The following NBDY variants were observed in gnomAD, a reference collection of about 807,000 sequenced individuals.
NBDY encodes negative regulator of P-body association.
intron 2 of NBDY, among the ~76,000 whole-genome samples, chrX:56,799,064 T>C (rs1442768182): frequency 9.1e-6 from 1 of 109,696 alleles, no homozygotes; most frequent in Non-Finnish European, 1.9e-5. Flanking sequence ...GCCAGACAGA[T>C]GGTGGTGTGG....
intron 2 of NBDY, among the ~76,000 whole-genome samples, chrX:56,753,256 G>A (rs2069594585): frequency 8.9e-6 from 1 of 112,407 alleles, no homozygotes. Flanking sequence ...AGAAGCTAAA[G>A]CTAGGAAGCA....
At position 56,746,318 on chromosome X, in the gene NBDY, A is replaced by G. The variant is rs768911407; in HGVS notation, c.*166+14119A>G. 6.3e-5 allele frequency among the ~76,000 whole-genome samples: 7 copies of G among 110,520 alleles called. No homozygotes were observed. The East Asian group carries it at 2.0e-3, about 32-fold the overall frequency. Reference sequence around the variant, plus strand: ...ATACTACTCTATATTGATCATTTTTAAGAGGCAAATATGATATGATCGAGT... The same window carrying G: ...ATACTACTCTATATTGATCATTTTTGAGAGGCAAATATGATATGATCGAGT... On this transcript the variant is annotated intron_variant, in intron 2 of 2. Transcript: ENST00000374922.
chrX:56,798,259 G>A (rs1364976140), intron 2 of NBDY, among the ~76,000 whole-genome samples: 2 of 112,084 alleles, frequency 1.8e-5, no homozygotes, highest in African/African-American at 6.5e-5. Flanking sequence ...GGGTCAACCC[G>A]CTTAAAAACA....
chrX:56,764,702 CAA>C (rs10623590), intron 2 of NBDY, among the ~76,000 whole-genome samples: 15 of 60,798 alleles, frequency 2.5e-4, no homozygotes, highest in African/African-American at 6.3e-4. Flanking sequence ...AAACAAACAC[CAA>C]AAAAAAAAAA....
intron 1 of NBDY, among the ~76,000 whole-genome samples, chrX:56,730,687 CAAG>C (rs2069453737): frequency 1.8e-5 from 2 of 109,489 alleles, no homozygotes; most frequent in Non-Finnish European, 3.8e-5. Flanking sequence ...TTTGAATCTA[CAAG>C]AAGGACTAGG....
chrX:56,799,403 T>C lies in NBDY; in HGVS notation c.*167-17917T>C, dbSNP rs755547702. On this transcript the variant is annotated intron_variant, in intron 2 of 2. Transcript: ENST00000374922. The stretch of plus-strand genomic sequence containing the variant: ...TGAACAGTGGTTTCTCTTAAACCCA[T>C]TTCAAGATGGGGAAGCTCCGCCCAC... Among the ~76,000 whole-genome samples, 393 of 113,423 alleles carry C rather than the reference T, an allele frequency of 3.5e-3. 2 individuals are homozygous for C. Among genetic ancestry groups the C allele is most frequent in the African/African-American group, 0.012 (376 of 31,311 alleles).
intron 2 of NBDY, among the ~76,000 whole-genome samples, chrX:56,783,778 C>A (rs1018704759): frequency 1.8e-5 from 2 of 112,729 alleles, no homozygotes; most frequent in African/African-American, 6.5e-5. Flanking sequence ...TCTTTTCCTT[C>A]CCTTCCCTTG....
At chrX:56,737,854 T>A (rs1229427411) in intron 2 of NBDY, among the ~76,000 whole-genome samples, 2 of 111,968 alleles carry the variant, frequency 1.8e-5, no homozygotes, top group Non-Finnish European at 3.8e-5. Context: ...AATTAACATT[T>A]TATCACGTTT....
chrX:56,812,684 C>A (rs1258256104), intron 2 of NBDY, among the ~76,000 whole-genome samples: 1 of 111,646 alleles, frequency 9.0e-6, no homozygotes, highest in Non-Finnish European at 1.9e-5. Flanking sequence ...TCACTCATAT[C>A]TCTTTGTCAC....
chrX:56,748,228 C>A (rs2069566271), intron 2 of NBDY, among the ~76,000 whole-genome samples: 1 of 111,656 alleles, frequency 9.0e-6, no homozygotes, highest in South Asian at 3.8e-4. Flanking sequence ...TCTAGCCTAG[C>A]CAAATTAACA....
chrX:56,805,244 GAAGA>G (rs2069842966), intron 2 of NBDY, among the ~76,000 whole-genome samples: 1 of 112,816 alleles, frequency 8.9e-6, no homozygotes, highest in African/African-American at 3.2e-5. Flanking sequence ...GAAAATGCAA[GAAGA>G]AAGGAATGCA....
chrX:56,794,806 A>G (rs4072249), intron 2 of NBDY, among the ~76,000 whole-genome samples: 14,489 of 111,787 alleles, frequency 0.13, 1,974 homozygotes, highest in African/African-American at 0.41. Flanking sequence ...TTTCTTGCTG[A>G]AAGGTTAAAA....
intron 2 of NBDY, among the ~76,000 whole-genome samples, chrX:56,811,745 T>TC (rs1416299476): frequency 9.0e-6 from 1 of 111,517 alleles, no homozygotes; most frequent in Non-Finnish European, 1.9e-5. Flanking sequence ...GGCTTCAGCC[T>TC]CCTTTCCAAG....
Position 56,818,097 on chromosome X carries a change from A to G in NBDY, c.*944A>G, listed in dbSNP as rs2069918914. 1 of 111,804 alleles carries G rather than the reference A, an allele frequency of 8.9e-6. No homozygotes were observed. Among genetic ancestry groups the G allele is most frequent in the Non-Finnish European group, 1.9e-5 (1 of 53,111 alleles). 9.2% of individuals were successfully genotyped at this position (111,804 alleles called of 1,213,427 possible). On this transcript the variant is annotated 3_prime_UTR_variant, in exon 3 of 3. Transcript: ENST00000374922. ...ATTACAAGGTTATAGAAAAAAATTTATAGACTATAATAATTTCCAGGGATA... is the reference window on the plus strand; with the variant it reads ...ATTACAAGGTTATAGAAAAAAATTTGTAGACTATAATAATTTCCAGGGATA...
At chrX:56,760,247 C>A (rs1252829811) in intron 2 of NBDY, among the ~76,000 whole-genome samples, 4 of 113,340 alleles carry the variant, frequency 3.5e-5, no homozygotes, top group Non-Finnish European at 5.6e-5. Context: ...TGGAAGAAGG[C>A]AAGTTTCCTT....
intron 2 of NBDY, among the ~76,000 whole-genome samples, chrX:56,794,569 A>G (rs1198705626): frequency 5.5e-5 from 6 of 108,730 alleles, no homozygotes; most frequent in African/African-American, 2.0e-4. Context: ...CAGGGGTCCC[A>G]GTGAATTAGA....
At chrX:56,738,061 C>T (rs1001421764) in intron 2 of NBDY, among the ~76,000 whole-genome samples, 7 of 111,748 alleles carry the variant, frequency 6.3e-5, no homozygotes, top group Admixed American at 3.8e-4. Context: ...CGCCATATTC[C>T]AATGTTATCA....
intron 2 of NBDY, among the ~76,000 whole-genome samples, chrX:56,735,706 A>C (rs993469722): frequency 2.7e-5 from 3 of 110,037 alleles, no homozygotes; most frequent in Non-Finnish European, 3.8e-5. Context: ...TCTTGAAATC[A>C]CAATTAAAAG....
chrX:56,816,130 T>C (rs1301219037), intron 2 of NBDY, among the ~76,000 whole-genome samples: 1 of 111,518 alleles, frequency 9.0e-6, no homozygotes, highest in Non-Finnish European at 1.9e-5. Flanking sequence ...CATTAATTCA[T>C]AGAATATATA....
Sources: gnomAD v4.1 joint callset for allele counts (sites outside exome capture counted in the v4.1 genomes callset) on GRCh38, gnomAD v4.1.1 for gene constraint, MANE v1.5 for transcripts, NCBI Gene and HGNC (gene_info 2026-07-23, HGNC 2026-07-21) for gene names.